The following TENM2 variants were observed in gnomAD, a reference collection of about 807,000 sequenced individuals.
TENM2 encodes the protein teneurin-2.
TENM2 carries 52 observed loss-of-function variants against 245.2 expected under a neutral mutation model. That is an observed-to-expected ratio of 0.21 (90% CI 0.17 to 0.27). The LOEUF (loss-of-function observed/expected upper bound fraction) is 0.27, where lower values mean the gene tolerates loss of function less well. Ranked by LOEUF, TENM2 falls within the 10% of genes least tolerant of loss-of-function variation. The pLI, the probability that TENM2 is intolerant of heterozygous loss-of-function variation, is 1.00. For synonymous variants in TENM2, 1,363 were observed against 1,438.9 expected, an observed-to-expected ratio of 0.95 and a Z score of 1.19; for missense variants, 3,046 against 3,666.8, an observed-to-expected ratio of 0.83 and a Z score of 4.37.
chr5:168,181,600 T>A (rs1759893729), intron 13 of TENM2, among the ~76,000 whole-genome samples: 1 of 151,598 alleles, frequency 6.6e-6, no homozygotes. Flanking sequence ...ACCAAAAGAG[T>A]TGGCAAGAAG....
chr5:167,235,491 AT>A, the TENM2 span, among the ~76,000 whole-genome samples: 2 of 152,116 alleles, frequency 1.3e-5, no homozygotes, highest in African/African-American at 4.8e-5. Context: ...GAAAAAAAAA[AT>A]TTTTACTCAC....
intron 5 of TENM2, among the ~76,000 whole-genome samples, chr5:168,039,089 C>T (rs57705150): frequency 0.015 from 2,264 of 152,256 alleles, 57 homozygotes; most frequent in African/African-American, 0.051. Flanking sequence ...CCTTGCCTCT[C>T]CTCCTTGCAG....
intron 2 of TENM2, among the ~76,000 whole-genome samples, chr5:167,840,546 C>T (rs571111070): frequency 4.9e-4 from 74 of 152,080 alleles, no homozygotes; most frequent in Non-Finnish European, 5.1e-4. Context: ...TCCTTCCTCC[C>T]CCAGCCCCCC....
At chr5:167,383,243 G>A (rs576064344) in intron 2 of TENM2, among the ~76,000 whole-genome samples, 125 of 152,086 alleles carry the variant, frequency 8.2e-4, no homozygotes, top group African/African-American at 2.8e-3. Context: ...ATGCCAAAAT[G>A]AGCAATGTAG....
At chr5:167,507,596 A>C (rs1163427423) in intron 2 of TENM2, among the ~76,000 whole-genome samples, 1 of 152,190 alleles carries the variant, frequency 6.6e-6, no homozygotes, top group Non-Finnish European at 1.5e-5. Context: ...AAGTGACATC[A>C]TGCAAATGGT....
At chr5:168,097,485 C>T (rs560167312) in intron 8 of TENM2, among the ~76,000 whole-genome samples, 13 of 152,184 alleles carry the variant, frequency 8.5e-5, no homozygotes, top group Admixed American at 1.3e-4. Context: ...AGTGCAATGG[C>T]GCAATCTCAG....
chr5:167,847,141 T>C (rs1286487445), intron 2 of TENM2, among the ~76,000 whole-genome samples: 2 of 152,194 alleles, frequency 1.3e-5, no homozygotes, highest in African/African-American at 2.4e-5. Context: ...TTTGTAGAGA[T>C]AGAGTCTCAC....
At chr5:168,191,376 C>A (rs925772935) in intron 14 of TENM2, among the ~76,000 whole-genome samples, 1 of 152,132 alleles carries the variant, frequency 6.6e-6, no homozygotes, top group African/African-American at 2.4e-5. Context: ...GTAGGAGAGG[C>A]TGGGGGTCTT....
chr5:167,646,192 G>A (rs1213287596), intron 2 of TENM2, among the ~76,000 whole-genome samples: 17 of 110,138 alleles, frequency 1.5e-4, no homozygotes, highest in Admixed American at 3.6e-4. Flanking sequence ...ATATATATAT[G>A]TTGTTTTCAT....
At chr5:167,722,213 C>T (rs1220664651) in intron 2 of TENM2, among the ~76,000 whole-genome samples, 1 of 152,206 alleles carries the variant, frequency 6.6e-6, no homozygotes, top group Non-Finnish European at 1.5e-5. Context: ...TTACTGGTGT[C>T]AGCAAGCATG....
chr5:168,185,530 C>A (rs1760310089), intron 13 of TENM2, among the ~76,000 whole-genome samples: 1 of 152,054 alleles, frequency 6.6e-6, no homozygotes. Context: ...GTTAATTGCC[C>A]ATGGTCAACA....
the TENM2 span, among the ~76,000 whole-genome samples, chr5:167,232,256 G>T: frequency 6.6e-6 from 1 of 152,256 alleles, no homozygotes; most frequent in African/African-American, 2.4e-5. Context: ...CGGTCCTCCA[G>T]TCCCCAGAAT....
Position 167,588,426 on chromosome 5 carries a change from A to G in TENM2, c.502+212953A>G, listed in dbSNP as rs527645250. Reference sequence around the variant, plus strand: ...TGAGAGCATTTCTTTCTCTCCATCAATGGGTGTATTGTGTGAAATTCATTT... The same window carrying G: ...TGAGAGCATTTCTTTCTCTCCATCAGTGGGTGTATTGTGTGAAATTCATTT... On this transcript the variant is annotated intron_variant, in intron 2 of 28. Coordinates refer to ENST00000518659, the Ensembl canonical transcript of TENM2. 1.5e-3 allele frequency among the ~76,000 whole-genome samples: 225 copies of G among 152,338 alleles called. 2 individuals carry two copies. The highest frequency in any genetic ancestry group is 5.2e-3 in the African/African-American group (216 of 41,574).
At chr5:167,838,445 G>A (rs183397726) in intron 2 of TENM2, among the ~76,000 whole-genome samples, 45 of 152,270 alleles carry the variant, frequency 3.0e-4, no homozygotes, top group Non-Finnish European at 4.0e-4. Context: ...GTTCAACAGG[G>A]ACATGAAAGA....
rs115499224 is a variant in TENM2, at chr5:167,477,581, A to G, written c.502+102108A>G. Among the ~76,000 whole-genome samples, 771 of 152,286 alleles carry G rather than the reference A, an allele frequency of 5.1e-3. 8 individuals are homozygous for G. Among genetic ancestry groups the G allele is most frequent in the African/African-American group, 0.017 (720 of 41,558 alleles). On this transcript the variant is annotated intron_variant, in intron 2 of 28. Coordinates refer to ENST00000518659, the Ensembl canonical transcript of TENM2. ...GCATTGTTAAATGTTGTTATCTACA[A>G]AATAAGTTTGGTTACCAGTCACCTT...
intron 7 of TENM2, among the ~76,000 whole-genome samples, chr5:168,072,904 T>A (rs935371578): frequency 2.6e-5 from 4 of 152,160 alleles, no homozygotes; most frequent in East Asian, 1.9e-4. Flanking sequence ...AATACTGATA[T>A]GCAAACTGCG....
At chr5:167,416,617 A>G (rs1763180903) in intron 2 of TENM2, among the ~76,000 whole-genome samples, 1 of 152,212 alleles carries the variant, frequency 6.6e-6, no homozygotes, top group South Asian at 2.1e-4. Context: ...CAGAATTACC[A>G]AAACATGTAT....
chr5:167,602,047 G>T (rs999950153), intron 2 of TENM2, among the ~76,000 whole-genome samples: 11 of 151,642 alleles, frequency 7.3e-5, no homozygotes, highest in Admixed American at 6.6e-5. Context: ...CACAGAGAAG[G>T]TAGCTTTTCT....
chr5:167,429,988 A>C (rs1271339784), intron 2 of TENM2, among the ~76,000 whole-genome samples: 1 of 152,086 alleles, frequency 6.6e-6, no homozygotes, highest in Admixed American at 6.6e-5. Context: ...AAATGTCCTG[A>C]GAAGAATGAA....
Sources: gnomAD v4.1 joint callset for allele counts (sites outside exome capture counted in the v4.1 genomes callset) on GRCh38, gnomAD v4.1.1 for gene constraint, MANE v1.5 for transcripts, NCBI Gene and HGNC (gene_info 2026-07-23, HGNC 2026-07-21) for gene names.